The following STK4 variants were observed in gnomAD, a reference collection of about 807,000 sequenced individuals.
The protein encoded by STK4 is serine/threonine kinase 4.
In STK4, 30 loss-of-function variants were observed where a neutral mutation model predicts 64.9. The ratio of observed to expected loss-of-function variants is 0.46; its 90% CI spans 0.35 to 0.63. STK4 has a LOEUF of 0.63. STK4 is among the 20% of genes least tolerant of loss of function. The pLI is 0.01. For missense variants in STK4, 466 were observed against 598.5 expected (o/e 0.78, Z 2.31); for synonymous variants, 177 against 199.0 (o/e 0.89, Z 0.93).
At chr20:45,026,824 G>A (rs2068356681) in intron 10 of STK4, among the ~76,000 whole-genome samples, 1 of 152,066 alleles carries the variant, frequency 6.6e-6, no homozygotes, top group South Asian at 2.1e-4. Flanking sequence ...CCTCTTCTAG[G>A]CCTTTGGCAC....
Position 45,015,298 on chromosome 20 carries a change from TGCA to T in STK4, c.1148-9673_1148-9671del, listed in dbSNP as rs569605877. 8.3e-4 allele frequency among the ~76,000 whole-genome samples: 127 copies of T among 152,352 alleles called. 1 individual carries two copies. Among genetic ancestry groups the T allele is most frequent in the South Asian group, 4.1e-3 (20 of 4,826 alleles). ...ACTCAGAGCCTATTTTCTTTCCATCTGCAGTTTGAAAGGGGTTGTTAGAACATT... is the reference window on the plus strand; with the variant it reads ...ACTCAGAGCCTATTTTCTTTCCATCTGTTTGAAAGGGGTTGTTAGAACATT... On this transcript the variant is annotated intron_variant, in intron 9 of 10. Transcript: ENST00000372806.
chr20:45,061,931 G>T (rs1180489972), intron 10 of STK4, among the ~76,000 whole-genome samples: 1 of 143,008 alleles, frequency 7.0e-6, no homozygotes, highest in Non-Finnish European at 1.5e-5. Flanking sequence ...CCACGCTGGA[G>T]TGCAGTGGGG....
chr20:45,008,984 G>T (rs995456388), intron 9 of STK4, among the ~76,000 whole-genome samples: 6 of 152,028 alleles, frequency 3.9e-5, no homozygotes, highest in African/African-American at 1.4e-4. Context: ...CTTTCTGTAG[G>T]TTGTTTACAC....
At chr20:45,060,289 C>G (rs1568763886) in intron 10 of STK4, among the ~76,000 whole-genome samples, 2 of 152,194 alleles carry the variant, frequency 1.3e-5, no homozygotes, top group African/African-American at 2.4e-5. Flanking sequence ...CTAATGAGCT[C>G]ATAAGTCTTT....
intron 10 of STK4, among the ~76,000 whole-genome samples, chr20:45,062,843 ATTTTTTTT>A (rs35335969): frequency 9.4e-6 from 1 of 106,348 alleles, no homozygotes; most frequent in East Asian, 2.7e-4. Flanking sequence ...ACGCCCGGCT[ATTTTTTTT>A]TTTTTTTTTT....
At chr20:44,990,367 T>C (rs1022653761) in intron 5 of STK4, among the ~76,000 whole-genome samples, 3 of 152,112 alleles carry the variant, frequency 2.0e-5, no homozygotes, top group Non-Finnish European at 4.4e-5. Context: ...GATTTTTGTA[T>C]ATTATCTTGT....
chr20:45,044,858 A>G (rs117876357), intron 10 of STK4, among the ~76,000 whole-genome samples: 2 of 152,284 alleles, frequency 1.3e-5, no homozygotes, highest in East Asian at 3.9e-4. Flanking sequence ...ATCTGTAAAA[A>G]TTAAACATAA....
intron 9 of STK4, among the ~76,000 whole-genome samples, chr20:45,005,801 C>T (rs2067932320): frequency 6.6e-6 from 1 of 151,854 alleles, no homozygotes; most frequent in Non-Finnish European, 1.5e-5. Context: ...CTTCTCCTTT[C>T]AGTAGGATGT....
chr20:45,058,607 A>G (rs1049390054), intron 10 of STK4, among the ~76,000 whole-genome samples: 1 of 152,006 alleles, frequency 6.6e-6, no homozygotes, highest in Non-Finnish European at 1.5e-5. Flanking sequence ...GGCTTTTTTT[A>G]TTTGGCAGGA....
chr20:44,992,893 G>A (rs888813570), intron 5 of STK4, among the ~76,000 whole-genome samples: 2 of 151,474 alleles, frequency 1.3e-5, no homozygotes, highest in African/African-American at 2.4e-5. Context: ...ACGGGATTTC[G>A]CTATGTTTCC....
chr20:45,014,832 C>T (rs2068113119), intron 9 of STK4, among the ~76,000 whole-genome samples: 1 of 152,268 alleles, frequency 6.6e-6, no homozygotes, highest in South Asian at 2.1e-4. Context: ...CTTAATAGGT[C>T]AATGGGAGGC....
intron 10 of STK4, among the ~76,000 whole-genome samples, chr20:45,070,719 C>G (rs2145483549): frequency 6.6e-6 from 1 of 152,130 alleles, no homozygotes; most frequent in Non-Finnish European, 1.5e-5. Flanking sequence ...AACCCTGTCT[C>G]TACTAAAAAT....
At chr20:45,034,120 A>G (rs1445971005) in intron 10 of STK4, among the ~76,000 whole-genome samples, 1 of 152,096 alleles carries the variant, frequency 6.6e-6, no homozygotes, top group Non-Finnish European at 1.5e-5. Context: ...GGGAGGCAGT[A>G]AACAATGGCA....
At chr20:45,042,670 G>A (rs1381381555) in intron 10 of STK4, among the ~76,000 whole-genome samples, 1 of 151,988 alleles carries the variant, frequency 6.6e-6, no homozygotes, top group Non-Finnish European at 1.5e-5. Context: ...TTTCTCTGTT[G>A]GAGTTTGATG....
intron 5 of STK4, among the ~76,000 whole-genome samples, chr20:44,993,367 T>C (rs747347113): frequency 2.0e-4 from 31 of 152,178 alleles, no homozygotes; most frequent in Non-Finnish European, 3.5e-4. Flanking sequence ...GTGGGGTTAG[T>C]GTACACTCAT....
intron 10 of STK4, among the ~76,000 whole-genome samples, chr20:45,027,778 AGCCACTGCTAACC>A (rs2068378339): frequency 6.6e-6 from 1 of 151,972 alleles, no homozygotes. Context: ...CCTCTTTCCC[AGCCACTGCTAACC>A]GTCATTCTAC....
chr20:45,064,921 C>A lies in STK4; in HGVS notation c.1306-10097C>A, dbSNP rs578260356. Among the ~76,000 whole-genome samples, 4 of 152,282 alleles carry A rather than the reference C, an allele frequency of 2.6e-5. No homozygotes were observed. The South Asian group carries it at 8.3e-4, about 32-fold the overall frequency. Reference sequence around the variant, plus strand: ...AACAGATAGTTTGACTTCCCTTCTTCCTGTTTGGATGTCTTGTATTTCTTT... The same window carrying A: ...AACAGATAGTTTGACTTCCCTTCTTACTGTTTGGATGTCTTGTATTTCTTT... On this transcript the variant is annotated intron_variant, in intron 10 of 10. Coordinates refer to ENST00000372806, the MANE Select transcript of STK4 (RefSeq NM_006282.5).
intron 9 of STK4, among the ~76,000 whole-genome samples, chr20:45,013,598 T>G (rs1201133176): frequency 6.6e-6 from 1 of 152,210 alleles, no homozygotes; most frequent in Non-Finnish European, 1.5e-5. Context: ...GAATTGTGGT[T>G]GAAGAGTGTG....
chr20:44,991,086 C>A (rs1268335748), intron 5 of STK4, among the ~76,000 whole-genome samples: 1 of 152,106 alleles, frequency 6.6e-6, no homozygotes, highest in Non-Finnish European at 1.5e-5. Context: ...AAAAAACAAT[C>A]CTTTTAGTAT....
Sources: gnomAD v4.1 joint callset for allele counts (sites outside exome capture counted in the v4.1 genomes callset) on GRCh38, gnomAD v4.1.1 for gene constraint, MANE v1.5 for transcripts, NCBI Gene and HGNC (gene_info 2026-07-23, HGNC 2026-07-21) for gene names.